TRAP1: variants seen among roughly 807,000 people sequenced by gnomAD.
The protein encoded by TRAP1 is heat shock protein 75 kDa, mitochondrial.
A neutral mutation model predicts 89.1 loss-of-function variants in TRAP1; 102 were observed. The ratio of observed to expected loss-of-function variants is 1.15; its 90% CI spans 0.98 to 1.35. TRAP1 has a LOEUF of 1.35. Ranked by LOEUF, TRAP1 falls within the 40% of genes most tolerant of loss-of-function variation. TRAP1 has a pLI of 0.00. For missense variants in TRAP1, 1,256 were observed against 945.3 expected, an observed-to-expected ratio of 1.33 and a Z score of -4.31; for synonymous variants, 508 against 388.0, an observed-to-expected ratio of 1.31 and a Z score of -3.64.
At chr16:3,706,821 G>C (rs2051453872) in intron 1 of TRAP1, among the ~76,000 whole-genome samples, 1 of 152,048 alleles carries the variant, frequency 6.6e-6, no homozygotes, top group Non-Finnish European at 1.5e-5. Context: ...TATGAATAAT[G>C]CTGCTATGAA....
chr16:3,697,960 T>C (rs990765767), intron 1 of TRAP1, among the ~76,000 whole-genome samples: 2 of 151,028 alleles, frequency 1.3e-5, no homozygotes, highest in Admixed American at 6.6e-5. Flanking sequence ...GGCTAACTTT[T>C]GTGTTTTTTT....
intron 1 of TRAP1, among the ~76,000 whole-genome samples, chr16:3,716,467 A>G (rs1457627200): frequency 1.3e-5 from 2 of 152,226 alleles, no homozygotes; most frequent in Non-Finnish European, 2.9e-5. Context: ...TAATAGGACA[A>G]TGTTTAAACA....
intron 8 of TRAP1, 102 bp from the exon 9 acceptor site, chr16:3,674,596 T>G: frequency 7.1e-7 from 1 of 1,414,880 alleles, no homozygotes; most frequent in Non-Finnish European, 9.6e-7. Flanking sequence ...CTGGACAGGC[T>G]CCTGGGACAG....
intron 4 of TRAP1, among the ~76,000 whole-genome samples, chr16:3,682,033 G>A (rs1342114313): frequency 2.0e-5 from 3 of 152,166 alleles, no homozygotes; most frequent in African/African-American, 7.2e-5. Flanking sequence ...GAACCAAACA[G>A]AGCACAGGAA....
At chr16:3,677,337 G>A (rs1394318585) in intron 6 of TRAP1, among the ~76,000 whole-genome samples, 161 bp downstream of exon 6, 1 of 152,132 alleles carries the variant, frequency 6.6e-6, no homozygotes. Context: ...GCCACCTGGA[G>A]CCACAAAAGT....
chr16:3,660,702 A>ATAATT (rs2043022887), intron 16 of TRAP1: 1 of 152,200 alleles, frequency 6.6e-6, no homozygotes, highest in Admixed American at 6.5e-5. Context: ...CGCCTCCAGT[A>ATAATT]TAATTTTAAA....
At chr16:3,670,758 A>G (rs1006889518) in intron 11 of TRAP1, among the ~76,000 whole-genome samples, 19 of 152,042 alleles carry the variant, frequency 1.2e-4, no homozygotes, top group African/African-American at 2.4e-4. Flanking sequence ...AAAAATCTCC[A>G]TGGCTTTCTG....
intron 14 of TRAP1, 80 bp downstream of exon 14, chr16:3,663,344 A>C: frequency 1.3e-6 from 2 of 1,568,468 alleles, no homozygotes; most frequent in Non-Finnish European, 1.7e-6. Context: ...GAAAACCCAA[A>C]GGAAGCCCTC....
chr16:3,698,152 G>A (rs1018360121), intron 1 of TRAP1, among the ~76,000 whole-genome samples: 2 of 151,560 alleles, frequency 1.3e-5, no homozygotes, highest in Admixed American at 6.6e-5. Context: ...ATTATGGGAG[G>A]AGTATATAGA....
intron 1 of TRAP1, among the ~76,000 whole-genome samples, chr16:3,715,608 G>C (rs969709494): frequency 1.3e-5 from 2 of 151,944 alleles, no homozygotes; most frequent in African/African-American, 4.8e-5. Flanking sequence ...TAACCTCCAA[G>C]GGGGAAAAAA....
chr16:3,709,116 G>A (rs1307044944), intron 1 of TRAP1, among the ~76,000 whole-genome samples: 2 of 149,384 alleles, frequency 1.3e-5, no homozygotes, highest in Non-Finnish European at 3.0e-5. Flanking sequence ...TGCCTGGCCC[G>A]ACACTGTCTC....
rs766135520 is a variant in TRAP1, at chr16:3,690,834, G to A, written c.240C>T (p.Ser80=). The A allele has an allele frequency of 9.4e-6, 14 of 1,486,284 alleles. No homozygotes were observed. Among genetic ancestry groups the A allele is most frequent in the South Asian group, 6.8e-5 (5 of 73,002 alleles). The allele number at this position is 1,486,284 out of a possible 1,614,324, so 92.1% of individuals were successfully genotyped here. A position where few individuals can be genotyped will look rare whatever the true frequency, so the allele number is the denominator to read the frequency against. Residue 80 remains serine (S), a synonymous_variant, in exon 2 of 18, where the codon AGC becomes AGT. Coordinates refer to ENST00000246957, the MANE Select transcript of TRAP1 (RefSeq NM_016292.3). ...PLHSIISSTE[S]VQGSTSKHEF... ...AGCACGAGCCAAGGCTACCCTGCAC[G>A]CTCTCTGTGCTGCTGATAATCGAGT...
chr16:3,689,189 C>A, intron 2 of TRAP1, 52 bp from the exon 3 acceptor site: 1 of 1,433,594 alleles, frequency 7.0e-7, no homozygotes, highest in Non-Finnish European at 9.8e-7. Context: ...TATTTTTGTG[C>A]AAGAATACGC....
At chr16:3,663,094 A>C in intron 14 of TRAP1, 127 bp from the exon 15 acceptor site, 1 of 753,946 alleles carries the variant, frequency 1.3e-6, no homozygotes, top group Non-Finnish European at 2.1e-6. Flanking sequence ...AGCTAGCAAG[A>C]TGCTTTTCAT....
chr16:3,662,253 C>T, intron 15 of TRAP1, 121 bp from the exon 16 acceptor site: 2 of 1,229,108 alleles, frequency 1.6e-6, no homozygotes, highest in Admixed American at 2.5e-5. Flanking sequence ...TCAAGGACTC[C>T]CCTGGACCAG....
At chr16:3,670,921 C>T (rs186330494) in intron 11 of TRAP1, among the ~76,000 whole-genome samples, 155 of 152,230 alleles carry the variant, frequency 1.0e-3, no homozygotes, top group African/African-American at 3.2e-3. Context: ...GGACCAGTGC[C>T]TCTCGGTGTG....
chr16:3,660,713 A>AGTT (rs766630595), intron 16 of TRAP1: 4 of 152,292 alleles, frequency 2.6e-5, no homozygotes, highest in Non-Finnish European at 4.4e-5. Flanking sequence ...TAATTTTAAA[A>AGTT]GTTATGGTTG....
rs779231789 is a variant in TRAP1 at position 3,674,347 on chromosome 16, G to A, written c.1036C>T (p.Pro346Ser). 50 of 1,613,846 alleles carry A rather than the reference G, an allele frequency of 3.1e-5. No homozygotes were observed. Among genetic ancestry groups the A allele is most frequent in the Non-Finnish European group, 4.2e-5 (49 of 1,180,014 alleles). The change falls in exon 9 of 18, where the codon CCC becomes TCC. Residue 346 changes from proline (P) to serine (S), a missense_variant. Pro to Ser is a moderately conservative substitution (Grantham distance 74). Coordinates refer to ENST00000246957, the MANE Select transcript of TRAP1 (RefSeq NM_016292.3). Reference sequence around the variant, plus strand: ...CTGCCACAGTGCCTCACCATGTCGGGCACGTAGAAGATGCTGCGGATGTTG... The same window carrying A: ...CTGCCACAGTGCCTCACCATGTCGGACACGTAGAAGATGCTGCGGATGTTG... ...PLNIRSIFYVPDMKPSMFDVS... is the reference protein window; with the variant it reads ...PLNIRSIFYVSDMKPSMFDVS...
intron 1 of TRAP1, among the ~76,000 whole-genome samples, chr16:3,701,003 G>C (rs72760806): frequency 0.046 from 6,933 of 152,098 alleles, 192 homozygotes; most frequent in Admixed American, 0.062. Flanking sequence ...CTAATTATAA[G>C]GCAAGGATTG....
Sources: gnomAD v4.1 joint callset for allele counts (sites outside exome capture counted in the v4.1 genomes callset) on GRCh38, gnomAD v4.1.1 for gene constraint, MANE v1.5 for transcripts, NCBI Gene and HGNC (gene_info 2026-07-23, HGNC 2026-07-21) for gene names.